FRAS1: variants seen among roughly 807,000 people sequenced by gnomAD.
FRAS1 encodes Fraser extracellular matrix complex subunit 1.
In FRAS1, 290 loss-of-function variants were observed where a neutral mutation model predicts 435.2. The observed-to-expected ratio is 0.67, with a 90% CI of 0.61 to 0.73. The LOEUF is 0.73. Ranked by LOEUF, FRAS1 falls within the 30% of genes least tolerant of loss-of-function variation. The probability of loss-of-function intolerance (pLI) is 0.00; values close to 1 mark genes in which losing one functional copy is unlikely to be tolerated. For synonymous variants in FRAS1, 1,800 were observed against 1,851.0 expected (o/e 0.97, Z 0.71); for missense variants, 4,860 against 5,001.5 (o/e 0.97, Z 0.85).
chr4:78,521,186 T>C (rs745697591), intron 67 of FRAS1, among the ~76,000 whole-genome samples: 5 of 152,282 alleles, frequency 3.3e-5, no homozygotes, highest in Non-Finnish European at 7.4e-5. Flanking sequence ...AAGAAGCAGA[T>C]GTGCTGTAAC....
In FRAS1 at chr4:78,537,168, A is replaced by T; in HGVS notation, c.11266A>T (p.Asn3756Tyr). Residue 3756 changes from asparagine to tyrosine, a missense_variant, in exon 72 of 74, where the codon AAC becomes TAC. By Grantham distance (143) the Asn-to-Tyr change is moderately radical. Transcript: ENST00000512123. ...EGPQYGCIQP[N>Y]KHLKHRFLLL... The stretch of plus-strand genomic sequence containing the variant: ...GCCCCAGTATGGATGCATTCAGCCA[A>T]ACAAACACCTAAAACACAGATTCCT... 1 of 1,614,006 alleles carries T rather than the reference A, an allele frequency of 6.2e-7. No individual in the cohort carries two copies. The highest frequency in any genetic ancestry group is 1.6e-4 in the Middle Eastern group (1 of 6,062).
chr4:78,205,061 G>A (rs544288201), intron 2 of FRAS1, among the ~76,000 whole-genome samples: 1 of 152,274 alleles, frequency 6.6e-6, no homozygotes, highest in South Asian at 2.1e-4. Context: ...GTGGGAATAG[G>A]AGTCTCTGAC....
intron 2 of FRAS1, among the ~76,000 whole-genome samples, chr4:78,193,662 T>G (rs1046836716): frequency 6.6e-6 from 1 of 152,204 alleles, no homozygotes; most frequent in Non-Finnish European, 1.5e-5. Flanking sequence ...AGCCTATGTG[T>G]GTCCCTGCAC....
Position 78,265,235 on chromosome 4 carries a change from A to G in FRAS1, c.687+127A>G, listed in dbSNP as rs141550277. The G allele has an allele frequency of 8.8e-3, 5,061 of 577,184 alleles. 27 individuals carry two copies. The highest frequency in any genetic ancestry group is 0.011 in the Non-Finnish European group (3,655 of 328,144). 35.8% of individuals were successfully genotyped at this position (577,184 alleles called of 1,614,324 possible). ...TCTGCCAGGAATAGTAACTCAGTACATAAACAGCTTTTCTCTTCTCTTCAC... is the reference window on the plus strand; with the variant it reads ...TCTGCCAGGAATAGTAACTCAGTACGTAAACAGCTTTTCTCTTCTCTTCAC... On this transcript the variant is annotated intron_variant, in intron 7 of 73. Transcript: ENST00000512123.
At chr4:78,502,044 T>G (rs1410340728) in intron 61 of FRAS1, among the ~76,000 whole-genome samples, 1 of 152,236 alleles carries the variant, frequency 6.6e-6, no homozygotes, top group Non-Finnish European at 1.5e-5. Flanking sequence ...GTGGTGTTAT[T>G]TCTGAGGCCT....
chr4:78,312,163 C>T (rs532404460), intron 15 of FRAS1, among the ~76,000 whole-genome samples: 102 of 111,286 alleles, frequency 9.2e-4, no homozygotes, highest in African/African-American at 3.0e-3. Flanking sequence ...CTTAGGTTGT[C>T]GAGCCATCTG....
chr4:78,507,177 C>G (rs1222150776), intron 61 of FRAS1, among the ~76,000 whole-genome samples: 1 of 151,724 alleles, frequency 6.6e-6, no homozygotes, highest in Non-Finnish European at 1.5e-5. Context: ...GGCCATTAAT[C>G]CTCATATGGT....
rs74669190 is a variant in FRAS1, at chr4:78,452,439, C to G, written c.6763+85C>G. The G allele has an allele frequency of 5.8e-3, 5,849 of 1,016,750 alleles. 226 individuals carry two copies. The African/African-American group carries it at 0.084, about 15-fold the overall frequency. The allele number at this position is 1,016,750 out of a possible 1,614,324, so 63.0% of individuals were successfully genotyped here. A position where few individuals can be genotyped will look rare whatever the true frequency, so the allele number is the denominator to read the frequency against. On this transcript the variant is annotated intron_variant, in intron 47 of 73. Transcript: ENST00000512123. ...GCAGCCACATCATGTATCATGTATA[C>G]CTAGAATCTGCCTTAATTCATATTT... is the stretch of plus-strand genomic sequence containing the variant.
At chr4:78,175,947 G>A (rs1003773420) in intron 2 of FRAS1, among the ~76,000 whole-genome samples, 2 of 152,136 alleles carry the variant, frequency 1.3e-5, no homozygotes, top group African/African-American at 4.8e-5. Context: ...ACATCCCTAA[G>A]AGACACTAGG....
intron 9 of FRAS1, among the ~76,000 whole-genome samples, chr4:78,274,335 GTTA>G (rs1411770446): frequency 6.6e-6 from 1 of 152,118 alleles, no homozygotes; most frequent in African/African-American, 2.4e-5. Context: ...TGTGATCTTA[GTTA>G]TTTCTTGCCT....
At chr4:78,233,138 T>C (rs530881316) in intron 2 of FRAS1, among the ~76,000 whole-genome samples, 2 of 152,288 alleles carry the variant, frequency 1.3e-5, no homozygotes, top group East Asian at 3.9e-4. Flanking sequence ...GTCAAAATAA[T>C]TGAAGTGCAG....
At chr4:78,120,569 C>T (rs1718951806) in intron 2 of FRAS1, among the ~76,000 whole-genome samples, 1 of 152,144 alleles carries the variant, frequency 6.6e-6, no homozygotes, top group South Asian at 2.1e-4. Context: ...ACCAGCCAGG[C>T]TCTGGGGAAA....
At chr4:78,181,189 C>T in intron 2 of FRAS1, 3 of 1,607,364 alleles carry the variant, frequency 1.9e-6, no homozygotes, top group South Asian at 2.2e-5. Context: ...CTACTTTTGC[C>T]CGGTCCTTAT....
chr4:78,472,082 A>G, intron 51 of FRAS1, 98 bp from the exon 52 acceptor site: 1 of 1,245,652 alleles, frequency 8.0e-7, no homozygotes, highest in Non-Finnish European at 1.2e-6. Context: ...AAATACACTC[A>G]GTAAATCATT....
intron 50 of FRAS1, among the ~76,000 whole-genome samples, chr4:78,467,328 T>G (rs964965058): frequency 2.0e-5 from 3 of 152,228 alleles, no homozygotes; most frequent in African/African-American, 7.2e-5. Context: ...ACATGTGATG[T>G]TTGATTGTGC....
chr4:78,282,416 C>G (rs1446048905), intron 11 of FRAS1, among the ~76,000 whole-genome samples: 1 of 152,110 alleles, frequency 6.6e-6, no homozygotes, highest in African/African-American at 2.4e-5. Flanking sequence ...GCCAAGTGTC[C>G]CACTGTTATT....
chr4:78,278,711 T>C lies in FRAS1; in HGVS notation c.1038T>C (p.Asn346=). 2 of 1,604,760 alleles carry C rather than the reference T, an allele frequency of 1.2e-6. No individual in the cohort carries two copies. The highest frequency in any genetic ancestry group is 1.3e-5 in the African/African-American group (1 of 74,832). ...GKCCPECISR[N]GYCVYEETGE... The stretch of plus-strand genomic sequence containing the variant: ...GTTGTCCTGAATGCATTTCAAGGAA[T>C]GGTTATTGTGTTTATGAAGAAACTG... Residue 346 remains asparagine, a synonymous_variant, in exon 10 of 74, where the codon AAT becomes AAC. Transcript: ENST00000512123.
chr4:78,407,905 A>G, intron 31 of FRAS1, 64 bp downstream of exon 31: 3 of 1,371,526 alleles, frequency 2.2e-6, no homozygotes, highest in Non-Finnish European at 1.9e-6. Context: ...GCTCTTATTT[A>G]TAATCAACTT....
At chr4:78,343,010 A>C (rs1169428341) in intron 20 of FRAS1, among the ~76,000 whole-genome samples, 1 of 152,212 alleles carries the variant, frequency 6.6e-6, no homozygotes, top group Non-Finnish European at 1.5e-5. Context: ...GTATTTTCAT[A>C]CTGTATTCCT....
Sources: gnomAD v4.1 joint callset for allele counts (sites outside exome capture counted in the v4.1 genomes callset) on GRCh38, gnomAD v4.1.1 for gene constraint, MANE v1.5 for transcripts, NCBI Gene and HGNC (gene_info 2026-07-23, HGNC 2026-07-21) for gene names.